The following ARHGAP24 variants were observed in gnomAD, a reference collection of about 807,000 sequenced individuals.
The protein encoded by ARHGAP24 is rho GTPase-activating protein 24.
In ARHGAP24, 50 loss-of-function variants were observed where a neutral mutation model predicts 76.4. The observed-to-expected ratio is 0.65, with a 90% CI of 0.52 to 0.83. The LOEUF (loss-of-function observed/expected upper bound fraction) is 0.83, where lower values mean the gene tolerates loss of function less well. Among genes scored for constraint, ARHGAP24 ranks in the 40% least tolerant of loss-of-function variants. The pLI is 0.00. For missense variants in ARHGAP24, 930 were observed against 914.2 expected (o/e 1.02, Z -0.22); for synonymous variants, 345 against 323.3 (o/e 1.07, Z -0.72).
intron 2 of ARHGAP24, among the ~76,000 whole-genome samples, chr4:85,576,601 A>T (rs528816304): frequency 9.9e-5 from 15 of 152,282 alleles, no homozygotes; most frequent in Admixed American, 9.8e-4. Context: ...TCATCCTCAA[A>T]TCTAAAACTA....
At chr4:85,661,677 C>A (rs1450758179) in intron 2 of ARHGAP24, among the ~76,000 whole-genome samples, 1 of 151,946 alleles carries the variant, frequency 6.6e-6, no homozygotes, top group Non-Finnish European at 1.5e-5. Context: ...CTTCCCCCAC[C>A]CCACAACAGT....
intron 2 of ARHGAP24, among the ~76,000 whole-genome samples, chr4:85,609,383 C>G (rs1720309802): frequency 6.6e-6 from 1 of 152,132 alleles, no homozygotes; most frequent in African/African-American, 2.4e-5. Context: ...TATGTACCCC[C>G]AGAATATTCT....
At chr4:85,860,627 G>C (rs1009497803) in intron 3 of ARHGAP24, among the ~76,000 whole-genome samples, 1 of 151,954 alleles carries the variant, frequency 6.6e-6, no homozygotes, top group Non-Finnish European at 1.5e-5. Context: ...AGGATGGGAC[G>C]ACCGTGAAAT....
At position 85,687,379 on chromosome 4, in the gene ARHGAP24, A is replaced by G. The variant is rs571958837; in HGVS notation, c.181-34506A>G. 3.9e-5 allele frequency among the ~76,000 whole-genome samples: 6 copies of G among 152,228 alleles called. No individual in the cohort carries two copies. The East Asian group carries it at 1.2e-3, about 29-fold the overall frequency. ...AGGCATGGATCCTATCACCCAGGTA[A>G]TAAGCATAGTACACAATAGGTAGTT... On this transcript the variant is annotated intron_variant, in intron 2 of 9. Transcript: ENST00000395184.
intron 3 of ARHGAP24, among the ~76,000 whole-genome samples, chr4:85,801,851 A>G (rs527360816): frequency 2.6e-5 from 4 of 152,238 alleles, no homozygotes; most frequent in Non-Finnish European, 5.9e-5. Context: ...TATTTACATT[A>G]TTCAAGCTCA....
chr4:85,506,647 T>G (rs771500448), intron 1 of ARHGAP24, among the ~76,000 whole-genome samples: 3 of 149,278 alleles, frequency 2.0e-5, no homozygotes, highest in Non-Finnish European at 4.4e-5. Context: ...AGGTACAATC[T>G]GTCATGGCTT....
chr4:85,852,428 G>A (rs1056413004), intron 3 of ARHGAP24, among the ~76,000 whole-genome samples: 6 of 152,036 alleles, frequency 3.9e-5, no homozygotes, highest in African/African-American at 9.7e-5. Flanking sequence ...TGTTTTTACC[G>A]ACCTTCTGAA....
intron 8 of ARHGAP24, among the ~76,000 whole-genome samples, chr4:85,982,982 C>T (rs1179821857): frequency 6.6e-6 from 1 of 152,104 alleles, no homozygotes; most frequent in Admixed American, 6.5e-5. Flanking sequence ...CATGTGTTCA[C>T]ATTGTTCAGC....
At chr4:85,572,122 T>A (rs1228225294) in intron 2 of ARHGAP24, among the ~76,000 whole-genome samples, 1 of 152,182 alleles carries the variant, frequency 6.6e-6, no homozygotes, top group Non-Finnish European at 1.5e-5. Context: ...TTAATGGAGT[T>A]TTTTTGTCTC....
At chr4:85,902,826 A>G (rs1490464320) in intron 3 of ARHGAP24, among the ~76,000 whole-genome samples, 5 of 152,068 alleles carry the variant, frequency 3.3e-5, no homozygotes, top group African/African-American at 1.2e-4. Flanking sequence ...CTGGTCTCGA[A>G]CTCCTGAGCT....
chr4:85,570,654 C>T lies in ARHGAP24; in HGVS notation c.113C>T (p.Thr38Ile). ...KQGGFVKTWH[T>I]RWFVLKGDQL... ...GGAGGCTTTGTCAAGACTTGGCATACTCGCTGGTTTGTGCTCAAGGGGGAT... is the reference window on the plus strand; with the variant it reads ...GGAGGCTTTGTCAAGACTTGGCATATTCGCTGGTTTGTGCTCAAGGGGGAT... Residue 38 changes from threonine to isoleucine, a missense_variant, in exon 2 of 10, where the codon ACT (threonine) becomes ATT (isoleucine). Physicochemically the swap from Thr to Ile is moderately conservative, Grantham distance 89 (BLOSUM62 -1). Coordinates refer to ENST00000395184, the MANE Select transcript of ARHGAP24 (RefSeq NM_001025616.3). The T allele has an allele frequency of 1.2e-6, 2 of 1,614,110 alleles. No homozygotes were observed. Among genetic ancestry groups the T allele is most frequent in the Non-Finnish European group, 1.7e-6 (2 of 1,180,018 alleles).
At chr4:85,905,452 T>C (rs1424578149) in intron 3 of ARHGAP24, among the ~76,000 whole-genome samples, 2 of 152,338 alleles carry the variant, frequency 1.3e-5, no homozygotes, top group African/African-American at 4.8e-5. Context: ...TCACACCATA[T>C]ACTCACTTCC....
intron 2 of ARHGAP24, among the ~76,000 whole-genome samples, chr4:85,572,874 C>CT (rs775780758): frequency 0.015 from 1,921 of 124,224 alleles, 24 homozygotes; most frequent in African/African-American, 0.024. Flanking sequence ...TTTTTTCTTT[C>CT]TTTTTTTTTT....
intron 2 of ARHGAP24, among the ~76,000 whole-genome samples, chr4:85,618,711 G>A (rs1720613875): frequency 6.6e-6 from 1 of 151,954 alleles, no homozygotes; most frequent in Non-Finnish European, 1.5e-5. Context: ...GTTTTGATTT[G>A]CACTTCCCTG....
intron 3 of ARHGAP24, among the ~76,000 whole-genome samples, chr4:85,884,689 G>A (rs1290780797): frequency 6.6e-6 from 1 of 152,150 alleles, no homozygotes; most frequent in Non-Finnish European, 1.5e-5. Context: ...CTATCAAGTT[G>A]TGGAATGTTT....
chr4:85,720,429 C>T (rs1443491651), intron 2 of ARHGAP24, among the ~76,000 whole-genome samples: 1 of 152,086 alleles, frequency 6.6e-6, no homozygotes, highest in Non-Finnish European at 1.5e-5. Flanking sequence ...GCTTTTGCAA[C>T]TGCATAGAAG....
intron 5 of ARHGAP24, among the ~76,000 whole-genome samples, chr4:85,949,234 CTAATACCCAAAACATATTT>C (rs1560739336): frequency 1.3e-5 from 2 of 152,184 alleles, no homozygotes; most frequent in Non-Finnish European, 2.9e-5. Context: ...GGTTCCAATA[CTAATACCCAAAACATATTT>C]TAGGTTTTTG....
chr4:85,703,606 G>A (rs929553136), intron 2 of ARHGAP24, among the ~76,000 whole-genome samples: 1 of 152,064 alleles, frequency 6.6e-6, no homozygotes, highest in African/African-American at 2.4e-5. Context: ...TGCCATGTGA[G>A]GTTACAGCAA....
intron 3 of ARHGAP24, among the ~76,000 whole-genome samples, chr4:85,864,527 G>T (rs1004143546): frequency 6.6e-6 from 1 of 151,878 alleles, no homozygotes; most frequent in African/African-American, 2.4e-5. Context: ...CTCTCCTTTG[G>T]TTTGGCAAAG....
Sources: allele counts gnomAD v4.1 joint callset (sites outside exome capture counted in the v4.1 genomes callset), GRCh38; gene constraint gnomAD v4.1.1; transcripts MANE v1.5; gene names NCBI Gene and HGNC (gene_info 2026-07-23, HGNC 2026-07-21).